Variants in ALOX12 observed in about 807,000 individuals in gnomAD.
The protein encoded by ALOX12 is arachidonate 12-lipoxygenase, 12S type.
ALOX12 carries 62 observed loss-of-function variants against 85.5 expected under a neutral mutation model. That is an observed-to-expected ratio of 0.73 (90% CI 0.59 to 0.90). The LOEUF (loss-of-function observed/expected upper bound fraction) is 0.90. Among genes scored for constraint, ALOX12 ranks in the 40% least tolerant of loss-of-function variants. The pLI is 0.00. For synonymous variants in ALOX12, 299 were observed against 332.7 expected (o/e 0.90, Z 1.10); for missense variants, 751 against 856.5 (o/e 0.88, Z 1.54).
intron 6 of ALOX12, chr17:6,999,719 T>G (rs1908619301): frequency 4.3e-6 from 2 of 469,854 alleles, no homozygotes; most frequent in South Asian, 4.9e-5. Flanking sequence ...ACAGTGACAT[T>G]GCCTGGCCGC....
rs749123270 is a variant in ALOX12 at position 7,006,586 on chromosome 17, CTG to C, written c.1522_1523del (p.Cys508ProfsTer48). On this transcript the variant is annotated frameshift_variant, in exon 11 of 14. Transcript: ENST00000251535. LOFTEE classifies it high-confidence loss of function. ...GTGTCGGGAGATCACGGAGGTGGGG[CTG>C]TGCCAGGCCCAGGACCGAGGTAAGA... ...AWCREITEVG[L>X]CQAQDRGFPV... is the part of the protein sequence containing the mutation. The C allele has an allele frequency of 3.1e-6, 5 of 1,610,202 alleles. No homozygotes were observed. In the Admixed American group the frequency reaches 8.4e-5, roughly 27 times the overall value.
intron 9 of ALOX12, 27 bp from the exon 10 acceptor site, chr17:7,005,830 CT>C (rs987708916): frequency 6.2e-7 from 1 of 1,603,662 alleles, no homozygotes; most frequent in African/African-American, 1.3e-5. Flanking sequence ...CTGTTTCCCC[CT>C]CTAAGACCTG....
chr17:7,000,976 T>C lies in ALOX12; in HGVS notation c.951+497T>C, dbSNP rs942313941. Among the ~76,000 whole-genome samples, 1 of 150,648 alleles carries C rather than the reference T, an allele frequency of 6.6e-6. No individual in the cohort carries two copies. The highest frequency in any genetic ancestry group is 1.5e-5 in the Non-Finnish European group (1 of 67,830). On this transcript the variant is annotated intron_variant, in intron 7 of 13. Coordinates refer to ENST00000251535, the MANE Select transcript of ALOX12 (RefSeq NM_000697.3). The surrounding 1 kb of genome is among the most constrained non-coding windows in gnomAD (Gnocchi z 4.6). The stretch of plus-strand genomic sequence containing the variant: ...TCTTTTTTTTTTTTGAGACAGAATC[T>C]CACTGTGTCACTCAGGCTGGAATAC...
At position 7,001,593 on chromosome 17, in the gene ALOX12, T is replaced by C; in HGVS notation, c.952-9T>C. ...GGAATGGGAGTTCAATAATTTCTCT[T>C]TCTCCCAGATTCAGCCTCCCAACCC... On this transcript the variant is annotated splice_polypyrimidine_tract_variant and intron_variant, in intron 7 of 13. Coordinates refer to ENST00000251535, the MANE Select transcript of ALOX12 (RefSeq NM_000697.3). The C allele has an allele frequency of 1.2e-6, 2 of 1,606,968 alleles. No homozygotes were observed. Among genetic ancestry groups the C allele is most frequent in the Non-Finnish European group, 1.7e-6 (2 of 1,173,660 alleles).
At chr17:7,004,722 C>A (rs1430670914) in intron 8 of ALOX12, among the ~76,000 whole-genome samples, 1 of 151,918 alleles carries the variant, frequency 6.6e-6, no homozygotes, top group African/African-American at 2.4e-5. Flanking sequence ...TAAAGAAACC[C>A]CCAACTGTGA....
At chr17:7,009,006 C>A (rs1490118776) in intron 11 of ALOX12, among the ~76,000 whole-genome samples, 7 of 151,596 alleles carry the variant, frequency 4.6e-5, no homozygotes, top group Admixed American at 6.6e-5. Context: ...CCTGCCTTGG[C>A]CTCCCAAAGT....
chr17:7,006,060 CGGG>C lies in ALOX12; in HGVS notation c.1418+45_1418+47del. On this transcript the variant is annotated intron_variant, in intron 10 of 13. Coordinates refer to ENST00000251535, the MANE Select transcript of ALOX12 (RefSeq NM_000697.3). ...AGGAGGAGCTGAGAAATGGTGGGGC[CGGG>C]GGGGGGGGGGGCTCTGGCCTGAGGC... 4.4e-5 allele frequency: 4 copies of C among 91,932 alleles called. No individual in the cohort carries two copies. The Admixed American group carries it at 8.6e-4, about 20-fold the overall frequency. The allele number at this position is 91,932 out of a possible 1,614,324, so 5.7% of individuals were successfully genotyped here. A position where few individuals can be genotyped will look rare whatever the true frequency, so the allele number is the denominator to read the frequency against.
At chr17:6,996,769 G>A in intron 1 of ALOX12, 57 bp from the exon 2 acceptor site, 2 of 1,548,744 alleles carry the variant, frequency 1.3e-6, no homozygotes, top group Non-Finnish European at 1.8e-6. Context: ...CTCTGTCCTC[G>A]AAACGGCCTC....
rs554819384 is a variant in ALOX12, at chr17:6,996,522, G to A, written c.135+270G>A. ...CTTCTCCCAGTGACCCAGAGCCAAT[G>A]TAAGTATGAGGCCAGAGGTCAGACG... is the stretch of plus-strand genomic sequence containing the variant. On this transcript the variant is annotated intron_variant, in intron 1 of 13. Coordinates refer to ENST00000251535, the MANE Select transcript of ALOX12 (RefSeq NM_000697.3). Among the ~76,000 whole-genome samples the A allele has an allele frequency of 7.8e-4, 118 of 152,106 alleles. 1 individual carries two copies. The highest frequency in any genetic ancestry group is 2.6e-4 in the Admixed American group (4 of 15,282).
chr17:7,006,742 G>A, intron 11 of ALOX12, 135 bp downstream of exon 11: 1 of 1,228,430 alleles, frequency 8.1e-7, no homozygotes, highest in Non-Finnish European at 1.1e-6. Flanking sequence ...GAAAGCATGT[G>A]TATCCCATTC....
Position 7,003,552 on chromosome 17 carries a change from G to C in ALOX12, c.1162-1705G>C, listed in dbSNP as rs192396025. Among the ~76,000 whole-genome samples, 246 of 152,138 alleles carry C rather than the reference G, an allele frequency of 1.6e-3. 1 individual carries two copies. The highest frequency in any genetic ancestry group is 3.4e-3 in the Middle Eastern group (1 of 294). ...AGCGATCCTCTAACCTCAGCCTTCAGAGTAGCTGGGACTACAGGTGTGCAC... is the reference window on the plus strand; with the variant it reads ...AGCGATCCTCTAACCTCAGCCTTCACAGTAGCTGGGACTACAGGTGTGCAC... On this transcript the variant is annotated intron_variant, in intron 8 of 13. Transcript: ENST00000251535.
rs369870849 is a variant in ALOX12, at chr17:6,996,978, C to T, written c.288C>T (p.Cys96=). 1.7e-5 allele frequency: 27 copies of T among 1,577,178 alleles called. No individual in the cohort carries two copies. Among genetic ancestry groups the T allele is most frequent in the Non-Finnish European group, 1.4e-5 (16 of 1,161,430 alleles). Residue 96 remains cysteine, a synonymous_variant, in exon 2 of 14, where the codon TGC becomes TGT. Coordinates refer to ENST00000251535, the MANE Select transcript of ALOX12 (RefSeq NM_000697.3). ...PGACAEVAFP[C]YRWVQGEDIL... ...CCTGCGCGGAGGTGGCCTTCCCGTG[C>T]TACCGCTGGGTGCAGGGCGAGGACA...
At chr17:6,998,927 G>C in intron 4 of ALOX12, 26 bp from the exon 5 acceptor site, 1 of 1,614,060 alleles carries the variant, frequency 6.2e-7, no homozygotes, top group Non-Finnish European at 8.5e-7. Context: ...ATCAGCTGAT[G>C]AGTTAAGCCT....
Position 6,999,393 on chromosome 17 carries a change from C to T in ALOX12, c.734C>T (p.Thr245Ile), listed in dbSNP as rs747070515. 6.2e-7 allele frequency: 1 copy of T among 1,614,206 alleles called. No individual in the cohort carries two copies. Among genetic ancestry groups the T allele is most frequent in the Non-Finnish European group, 8.5e-7 (1 of 1,180,028 alleles). ...GANPMLLRRS[T>I]SLPSRLVLPS... The stretch of plus-strand genomic sequence containing the variant: ...AACCCCATGCTGTTGAGACGCTCGA[C>T]CTCTCTGCCCTCCAGGCTAGTGCTG... The change falls in exon 6 of 14, where the codon ACC becomes ATC. Residue 245 changes from threonine to isoleucine, a missense_variant. Coordinates refer to ENST00000251535, the MANE Select transcript of ALOX12 (RefSeq NM_000697.3).
intron 11 of ALOX12, among the ~76,000 whole-genome samples, chr17:7,009,258 A>T (rs1292617670): frequency 6.6e-6 from 1 of 151,722 alleles, no homozygotes; most frequent in East Asian, 1.9e-4. Context: ...ACGGGGTTTC[A>T]CCGTGTTAGC....
intron 8 of ALOX12, among the ~76,000 whole-genome samples, chr17:7,004,216 AATTAATTTAATTTAAT>A (rs199575507): frequency 0.091 from 13,006 of 142,574 alleles, 818 homozygotes; most frequent in Admixed American, 0.24. Context: ...TTTAATATTA[AATTAATTTAATTTAAT>A]ATTAATTTAA....
chr17:6,999,051 TG>T lies in ALOX12; in HGVS notation c.643del (p.Ala215LeufsTer27), dbSNP rs1439924010. 2 of 1,613,540 alleles carry T rather than the reference TG, an allele frequency of 1.2e-6. No individual in the cohort carries two copies. The highest frequency in any genetic ancestry group is 1.3e-5 in the African/African-American group (1 of 74,914). On this transcript the variant is annotated frameshift_variant, in exon 5 of 14. Coordinates refer to ENST00000251535, the MANE Select transcript of ALOX12 (RefSeq NM_000697.3). LOFTEE classifies it high-confidence loss of function. The stretch of plus-strand genomic sequence containing the variant: ...ATCTTCTGGGGCCAGAAGAGTGCCC[TG>T]GCTGGTCAGTGGTTCCCCGAGGTCT... ...DQIFWGQKSA[L>X]AEKVRQCWQD...
chr17:6,997,519 C>G (rs1312017964), intron 2 of ALOX12, among the ~76,000 whole-genome samples: 1 of 150,530 alleles, frequency 6.6e-6, no homozygotes, highest in Non-Finnish European at 1.5e-5. Flanking sequence ...CACTGGCCCG[C>G]AGGAGACGAG....
chr17:6,996,783 C>A, intron 1 of ALOX12, 43 bp from the exon 2 acceptor site: 2 of 1,568,766 alleles, frequency 1.3e-6, no homozygotes, highest in East Asian at 2.3e-5. Context: ...CGGCCTCAGT[C>A]GGGTCCCTCC....
Sources: gnomAD v4.1 joint callset for allele counts (sites outside exome capture counted in the v4.1 genomes callset) on GRCh38, gnomAD v4.1.1 for gene constraint, Gnocchi (gnomAD v3.1) non-coding constraint, MANE v1.5 for transcripts, NCBI Gene and HGNC (gene_info 2026-07-23, HGNC 2026-07-21) for gene names.